TNFRSF19: variants seen among roughly 807,000 people sequenced by gnomAD.
TNFRSF19 encodes the protein TNF receptor superfamily member 19.
In TNFRSF19, 27 loss-of-function variants were observed where a neutral mutation model predicts 46.4. The ratio of observed to expected loss-of-function variants is 0.58; its 90% CI spans 0.43 to 0.80. The LOEUF is 0.80. TNFRSF19 is among the 30% of genes least tolerant of loss of function. TNFRSF19 has a pLI of 0.00. For missense variants in TNFRSF19, 511 were observed against 530.8 expected, an observed-to-expected ratio of 0.96 and a Z score of 0.37; for synonymous variants, 204 against 205.0, an observed-to-expected ratio of 1.00 and a Z score of 0.04.
chr13:23,649,549 T>A (rs1373708791), intron 5 of TNFRSF19, among the ~76,000 whole-genome samples: 1 of 152,126 alleles, frequency 6.6e-6, no homozygotes, highest in Non-Finnish European at 1.5e-5. Context: ...CTCTATTTCA[T>A]TGATCTCTGC....
rs75542787 is a variant in TNFRSF19, at chr13:23,607,897, C to T, written c.181-7970C>T. Among the ~76,000 whole-genome samples the T allele has an allele frequency of 8.4e-3, 1,276 of 152,318 alleles. 28 individuals are homozygous for T. Among genetic ancestry groups the T allele is most frequent in the East Asian group, 0.077 (397 of 5,186 alleles). ...TAAGCAGGTATAGTTAAACTTTCCT[C>T]TGCGGTTTTATTTCTCCTAATTATT... On this transcript the variant is annotated intron_variant, in intron 3 of 9. Coordinates refer to ENST00000248484, the MANE Select transcript of TNFRSF19 (RefSeq NM_148957.4).
chr13:23,629,903 C>T lies in TNFRSF19; in HGVS notation c.445+3111C>T, dbSNP rs138321490. 2.6e-3 allele frequency among the ~76,000 whole-genome samples: 399 copies of T among 152,288 alleles called. 4 individuals carry two copies. The highest frequency in any genetic ancestry group is 3.6e-3 in the Non-Finnish European group (245 of 68,016). On this transcript the variant is annotated intron_variant, in intron 5 of 9. Coordinates refer to ENST00000248484, the MANE Select transcript of TNFRSF19 (RefSeq NM_148957.4). ...GAGTTGTCCTGGACGGGGAGGATCT[C>T]ATGGTGCATCTGGCTCTGATGTTTG...
chr13:23,658,095 GGTTA>G (rs1037354566), intron 5 of TNFRSF19, among the ~76,000 whole-genome samples: 2 of 151,878 alleles, frequency 1.3e-5, no homozygotes, highest in Admixed American at 6.6e-5. Flanking sequence ...ATTATTTTGG[GGTTA>G]GTTAAGTAGG....
intron 3 of TNFRSF19, among the ~76,000 whole-genome samples, chr13:23,606,366 A>G (rs1048875018): frequency 2.0e-5 from 3 of 152,148 alleles, no homozygotes; most frequent in Non-Finnish European, 4.4e-5. Flanking sequence ...TTTTAAAAAA[A>G]AAGACCAGGA....
At chr13:23,609,406 G>C (rs1339697350) in intron 3 of TNFRSF19, among the ~76,000 whole-genome samples, 1 of 152,186 alleles carries the variant, frequency 6.6e-6, no homozygotes, top group Non-Finnish European at 1.5e-5. Context: ...ATATGTGGGA[G>C]AGGATGATTT....
intron 3 of TNFRSF19, among the ~76,000 whole-genome samples, chr13:23,612,201 C>T (rs1880955082): frequency 6.6e-6 from 1 of 152,190 alleles, no homozygotes; most frequent in Admixed American, 6.5e-5. Flanking sequence ...TAACCAATGT[C>T]ACCATGGGTT....
At chr13:23,628,317 G>A (rs1304972842) in intron 5 of TNFRSF19, among the ~76,000 whole-genome samples, 3 of 152,116 alleles carry the variant, frequency 2.0e-5, no homozygotes, top group Admixed American at 2.0e-4. Context: ...TAAAGAAAAC[G>A]CTAAAAATCT....
chr13:23,673,363 C>T lies in TNFRSF19; in HGVS notation c.1246-9C>T, dbSNP rs767526918. On this transcript the variant is annotated splice_polypyrimidine_tract_variant and intron_variant, in intron 9 of 9. Coordinates refer to ENST00000248484, the MANE Select transcript of TNFRSF19 (RefSeq NM_148957.4). ...TATTTCTAAAGCTTCCTTTCTGTTG[C>T]TGTTTTAGGAAGCTTAAAGAACCTG... 6 of 1,598,592 alleles carry T rather than the reference C, an allele frequency of 3.8e-6. No individual in the cohort carries two copies. The highest frequency in any genetic ancestry group is 1.3e-5 in the African/African-American group (1 of 74,546).
chr13:23,660,330 T>C, intron 6 of TNFRSF19, 35 bp from the exon 7 acceptor site: 1 of 1,595,294 alleles, frequency 6.3e-7, no homozygotes, highest in Non-Finnish European at 8.6e-7. Context: ...GAGAGGAGAC[T>C]GTGTTCCCTG....
intron 1 of TNFRSF19, among the ~76,000 whole-genome samples, chr13:23,574,061 CA>C (rs67057644): frequency 1.4e-3 from 131 of 95,382 alleles, no homozygotes; most frequent in East Asian, 3.2e-3. Flanking sequence ...GACTCTGTCT[CA>C]AAAAAAAAAA....
chr13:23,628,405 A>T (rs1259443063), intron 5 of TNFRSF19, among the ~76,000 whole-genome samples: 1 of 152,216 alleles, frequency 6.6e-6, no homozygotes, highest in Non-Finnish European at 1.5e-5. Context: ...TGCCAGTTTA[A>T]CATGCAGTGA....
At chr13:23,654,342 C>G (rs921460618) in intron 5 of TNFRSF19, among the ~76,000 whole-genome samples, 1 of 152,150 alleles carries the variant, frequency 6.6e-6, no homozygotes, top group Non-Finnish European at 1.5e-5. Flanking sequence ...TGGGCCCTTT[C>G]CAGATGCAGT....
intron 5 of TNFRSF19, among the ~76,000 whole-genome samples, chr13:23,651,690 C>T (rs1004566425): frequency 6.6e-6 from 1 of 151,962 alleles, no homozygotes; most frequent in Non-Finnish European, 1.5e-5. Context: ...TCAATAGCCT[C>T]CTTAATCTAG....
intron 5 of TNFRSF19, among the ~76,000 whole-genome samples, chr13:23,658,063 C>A (rs770752023): frequency 6.6e-6 from 1 of 150,802 alleles, no homozygotes; most frequent in Non-Finnish European, 1.5e-5. Flanking sequence ...AGATTCATGC[C>A]CCTTTTAAAT....
intron 1 of TNFRSF19, among the ~76,000 whole-genome samples, chr13:23,589,585 C>T (rs1244347080): frequency 2.0e-5 from 3 of 152,184 alleles, no homozygotes; most frequent in Non-Finnish European, 4.4e-5. Context: ...GGTTTGCATC[C>T]AGCTGTGCCT....
Position 23,669,028 on chromosome 13 carries a change from A to G in TNFRSF19, c.1176A>G (p.Leu392=). 1 of 1,614,194 alleles carries G rather than the reference A, an allele frequency of 6.2e-7. No homozygotes were observed. The highest frequency in any genetic ancestry group is 1.3e-5 in the African/African-American group (1 of 75,048). The change falls in exon 9 of 10, where the codon CTA becomes CTG. Residue 392 remains leucine (L), a synonymous_variant. Coordinates refer to ENST00000248484, the MANE Select transcript of TNFRSF19 (RefSeq NM_148957.4). ...LVESASTQDA[L]TMRSQLDQES... is the part of the protein sequence containing the mutation. Reference sequence around the variant, plus strand: ...AATCAGCATCAACTCAGGATGCACTAACTATGAGAAGCCAGCTAGATCAGG... The same window carrying G: ...AATCAGCATCAACTCAGGATGCACTGACTATGAGAAGCCAGCTAGATCAGG...
At chr13:23,668,373 T>A (rs7333966) in intron 8 of TNFRSF19, among the ~76,000 whole-genome samples, 18,737 of 152,184 alleles carry the variant, frequency 0.12, 1,335 homozygotes, top group East Asian at 0.23. Context: ...TAAGTAATTT[T>A]TACCCATGGA....
chr13:23,590,127 G>T, intron 1 of TNFRSF19, 23 bp from the exon 2 acceptor site: 2 of 1,202,728 alleles, frequency 1.7e-6, no homozygotes, highest in South Asian at 2.7e-5. Flanking sequence ...AATATTAACT[G>T]CATCTTCCTA....
chr13:23,635,577 C>T (rs1882628057), intron 5 of TNFRSF19, among the ~76,000 whole-genome samples: 1 of 152,048 alleles, frequency 6.6e-6, no homozygotes, highest in Non-Finnish European at 1.5e-5. Context: ...CGGGGTTTCA[C>T]TATGTTGGCC....
Sources: allele counts gnomAD v4.1 joint callset (sites outside exome capture counted in the v4.1 genomes callset), GRCh38; gene constraint gnomAD v4.1.1; transcripts MANE v1.5; gene names NCBI Gene and HGNC (gene_info 2026-07-23, HGNC 2026-07-21).